The following SGK1 variants were observed in gnomAD, a reference collection of about 807,000 sequenced individuals.
SGK1 encodes the protein serum/glucocorticoid regulated kinase 1.
In SGK1, 26 loss-of-function variants were observed where a neutral mutation model predicts 64.2. That is an observed-to-expected ratio of 0.40 (90% CI 0.30 to 0.56). SGK1 has a LOEUF of 0.56. SGK1 is among the 20% of genes least tolerant of loss of function. SGK1 has a pLI of 0.38. For synonymous variants in SGK1, 265 were observed against 239.7 expected, an observed-to-expected ratio of 1.11 and a Z score of -0.98; for missense variants, 519 against 645.6, an observed-to-expected ratio of 0.80 and a Z score of 2.12.
At chr6:134,313,307 C>G (rs1177350225) in intron 1 of SGK1, among the ~76,000 whole-genome samples, 2 of 152,110 alleles carry the variant, frequency 1.3e-5, no homozygotes, top group Non-Finnish European at 2.9e-5. Context: ...AAACTCGAGA[C>G]CAGCCAGGGC....
At chr6:134,194,572 G>C (rs1394098006) in intron 3 of SGK1, among the ~76,000 whole-genome samples, 2 of 148,890 alleles carry the variant, frequency 1.3e-5, no homozygotes, top group Admixed American at 1.3e-4. Flanking sequence ...AGGCTGGAGT[G>C]CAGTGGCACG....
At chr6:134,206,722 C>T (rs1413573727) in intron 3 of SGK1, among the ~76,000 whole-genome samples, 1 of 150,872 alleles carries the variant, frequency 6.6e-6, no homozygotes, top group Non-Finnish European at 1.5e-5. Flanking sequence ...CAAAAATTAT[C>T]CAGGCATGGT....
intron 2 of SGK1, among the ~76,000 whole-genome samples, chr6:134,209,955 G>A (rs1268954186): frequency 2.6e-5 from 4 of 152,224 alleles, no homozygotes; most frequent in African/African-American, 7.2e-5. Flanking sequence ...GGGATTACAG[G>A]CATGAGCCAC....
chr6:134,278,721 T>C (rs931346353), intron 1 of SGK1, among the ~76,000 whole-genome samples: 11 of 152,154 alleles, frequency 7.2e-5, no homozygotes, highest in African/African-American at 2.7e-4. Context: ...GAAGTACCTA[T>C]TATGTCCAAG....
chr6:134,299,637 G>A (rs370747028), intron 1 of SGK1, among the ~76,000 whole-genome samples: 32 of 152,120 alleles, frequency 2.1e-4, no homozygotes, highest in Middle Eastern at 3.4e-3. Flanking sequence ...CTCATAACAA[G>A]TATGCTCATT....
chr6:134,218,978 T>A (rs1776034826), intron 2 of SGK1, among the ~76,000 whole-genome samples: 1 of 151,480 alleles, frequency 6.6e-6, no homozygotes, highest in South Asian at 2.1e-4. Flanking sequence ...AATGGCTGTT[T>A]TTTTGTTTTT....
intron 1 of SGK1, among the ~76,000 whole-genome samples, chr6:134,285,220 A>G (rs2114774644): frequency 6.6e-6 from 1 of 152,144 alleles, no homozygotes; most frequent in East Asian, 1.9e-4. Flanking sequence ...GCACTTTGGG[A>G]GGCCGAGGTG....
intron 1 of SGK1, among the ~76,000 whole-genome samples, chr6:134,262,600 T>A (rs1469027135): frequency 6.6e-6 from 1 of 151,826 alleles, no homozygotes; most frequent in Non-Finnish European, 1.5e-5. Context: ...TAATCTCAGC[T>A]GCTTGGGAGA....
At chr6:134,207,227 AG>A (rs1775807613) in intron 3 of SGK1, 128 bp downstream of exon 3, 1 of 656,396 alleles carries the variant, frequency 1.5e-6, no homozygotes, top group African/African-American at 1.8e-5. Context: ...CTCTGTCTCA[AG>A]AAAAACAAAA....
chr6:134,224,316 G>A (rs967335813), intron 2 of SGK1, among the ~76,000 whole-genome samples: 3 of 152,154 alleles, frequency 2.0e-5, no homozygotes, highest in Admixed American at 2.0e-4. Flanking sequence ...AGAAATAAGT[G>A]GGAGAATGTC....
chr6:134,232,958 T>C (rs1467857173), intron 2 of SGK1, among the ~76,000 whole-genome samples: 1 of 151,824 alleles, frequency 6.6e-6, no homozygotes, highest in Non-Finnish European at 1.5e-5. Flanking sequence ...TCTTGTTTTC[T>C]ATTTCTTCAA....
chr6:134,211,196 A>G (rs1775884050), intron 2 of SGK1, among the ~76,000 whole-genome samples: 1 of 152,224 alleles, frequency 6.6e-6, no homozygotes, highest in African/African-American at 2.4e-5. Context: ...AAAATCTAGA[A>G]TAGATTGCCA....
intron 3 of SGK1, among the ~76,000 whole-genome samples, chr6:134,190,053 T>C (rs966065233): frequency 3.9e-5 from 6 of 152,204 alleles, no homozygotes; most frequent in Non-Finnish European, 8.8e-5. Context: ...TTTCACCATG[T>C]TGGCCAGGCT....
At chr6:134,175,678 G>A (rs1417653342) in intron 3 of SGK1, 6 of 1,482,838 alleles carry the variant, frequency 4.0e-6, no homozygotes, top group Non-Finnish European at 5.4e-6. Context: ...CGGGCGGCGG[G>A]GCGCGCGGCA....
chr6:134,279,459 T>TAAAA (rs1554226866), intron 1 of SGK1, among the ~76,000 whole-genome samples: 5 of 149,502 alleles, frequency 3.3e-5, no homozygotes, highest in African/African-American at 1.2e-4. Context: ...AATAAATAAA[T>TAAAA]AAAATAAAGG....
chr6:134,171,748 G>A lies in SGK1; in HGVS notation c.1072-16C>T. ...GTGCGAGATACTGAAAAACAGACCA[G>A]GGAAACAGCGTTTAGAACCTGCGAA... On this transcript the variant is annotated splice_polypyrimidine_tract_variant and intron_variant, in intron 10 of 13. Transcript: ENST00000367858. The A allele has an allele frequency of 6.4e-7, 1 of 1,566,492 alleles. No homozygotes were observed.
chr6:134,305,401 G>A (rs1003061797), intron 1 of SGK1, among the ~76,000 whole-genome samples: 2 of 147,552 alleles, frequency 1.4e-5, no homozygotes, highest in East Asian at 2.0e-4. Context: ...AAGAAAACCC[G>A]GTTTCTACTA....
At chr6:134,252,908 T>G (rs1383126314) in intron 2 of SGK1, among the ~76,000 whole-genome samples, 1 of 151,498 alleles carries the variant, frequency 6.6e-6, no homozygotes, top group Non-Finnish European at 1.5e-5. Context: ...CTATATAAAA[T>G]TTTTTTTGAT....
In SGK1 at chr6:134,237,606, A is replaced by G. The variant is rs1416805346; in HGVS notation, c.285+24327T>C. ...GGAGGAGAATCGCTTGAACCCGGGA[A>G]GGCAGAGGTTGCAGTGAGCCAAGAT... is the stretch of plus-strand genomic sequence containing the variant. On this transcript the variant is annotated intron_variant, in intron 2 of 13. Transcript: ENST00000367858. Among the ~76,000 whole-genome samples, 6 of 152,046 alleles carry G rather than the reference A, an allele frequency of 3.9e-5. 1 individual carries two copies. In the South Asian group the frequency reaches 1.0e-3, roughly 26 times the overall value.
Sources: allele counts gnomAD v4.1 joint callset (sites outside exome capture counted in the v4.1 genomes callset), GRCh38; gene constraint gnomAD v4.1.1; transcripts MANE v1.5; gene names NCBI Gene and HGNC (gene_info 2026-07-23, HGNC 2026-07-21).